The following XRRA1 variants were observed in gnomAD, a reference collection of about 807,000 sequenced individuals.
XRRA1 encodes the protein X-ray radiation resistance associated 1.
XRRA1 carries 69 observed loss-of-function variants against 80.2 expected under a neutral mutation model. The observed-to-expected ratio is 0.86, with a 90% CI of 0.71 to 1.05. XRRA1 has a LOEUF of 1.05. Among genes scored for constraint, XRRA1 ranks in the 50% least tolerant of loss-of-function variants. The pLI, the probability that XRRA1 is intolerant of heterozygous loss-of-function variation, is 0.00. For synonymous variants in XRRA1, 348 were observed against 389.9 expected, an observed-to-expected ratio of 0.89 and a Z score of 1.27; for missense variants, 967 against 976.4, an observed-to-expected ratio of 0.99 and a Z score of 0.13.
In XRRA1 at chr11:74,935,609, C is replaced by T. The variant is rs1335534910; in HGVS notation, c.279+1275G>A. Among the ~76,000 whole-genome samples, 8 of 152,110 alleles carry T rather than the reference C, an allele frequency of 5.3e-5. No homozygotes were observed. The South Asian group carries it at 1.7e-3, about 31-fold the overall frequency. On this transcript the variant is annotated intron_variant, in intron 4 of 18. Transcript: ENST00000684022. The stretch of plus-strand genomic sequence containing the variant: ...GGGAGAGGCAAATGTCAAGGATAAC[C>T]TCAGGTACTGGCTTGGCAACTGGGT...
chr11:74,929,967 G>A (rs1193578640), intron 6 of XRRA1, among the ~76,000 whole-genome samples: 1 of 152,182 alleles, frequency 6.6e-6, no homozygotes, highest in African/African-American at 2.4e-5. Flanking sequence ...AAGGCTTTAT[G>A]CTCCTACAGG....
chr11:74,893,557 A>AAAT, intron 10 of XRRA1, among the ~76,000 whole-genome samples: 1 of 152,082 alleles, frequency 6.6e-6, no homozygotes. Context: ...GTATAATAAA[A>AAAT]AATAAAAATA....
At chr11:74,877,028 T>C (rs569692513) in intron 10 of XRRA1, 3 of 152,334 alleles carry the variant, frequency 2.0e-5, no homozygotes, top group Admixed American at 6.5e-5. Context: ...CTTGTGTAAA[T>C]TGTTATACTT....
chr11:74,905,530 T>C (rs1051544872), intron 10 of XRRA1, among the ~76,000 whole-genome samples: 2 of 152,204 alleles, frequency 1.3e-5, no homozygotes, highest in African/African-American at 4.8e-5. Flanking sequence ...AAAAGGGGCT[T>C]ATCTCTTCCT....
chr11:74,928,283 G>A (rs1033152369), intron 6 of XRRA1, among the ~76,000 whole-genome samples: 3 of 152,154 alleles, frequency 2.0e-5, no homozygotes, highest in Non-Finnish European at 4.4e-5. Context: ...ATCACCCTAG[G>A]TTGGCAAATT....
At chr11:74,849,889 T>A (rs1401451264) in intron 14 of XRRA1, among the ~76,000 whole-genome samples, 4 of 152,204 alleles carry the variant, frequency 2.6e-5, no homozygotes, top group Non-Finnish European at 5.9e-5. Flanking sequence ...GGGGAGGGAC[T>A]GCAGCCTTTG....
At chr11:74,919,959 G>C (rs372689068) in intron 8 of XRRA1, 2 of 195,722 alleles carry the variant, frequency 1.0e-5, no homozygotes, top group East Asian at 3.1e-4. Flanking sequence ...TTGTGGATGA[G>C]AACTAATCAC....
intron 10 of XRRA1, among the ~76,000 whole-genome samples, chr11:74,866,054 G>A (rs1368186086): frequency 6.6e-6 from 1 of 152,066 alleles, no homozygotes; most frequent in Non-Finnish European, 1.5e-5. Context: ...AGACTACAAA[G>A]GCAAAAATAA....
chr11:74,873,002 A>C (rs1195530290), intron 10 of XRRA1, among the ~76,000 whole-genome samples: 5 of 152,156 alleles, frequency 3.3e-5, no homozygotes, highest in African/African-American at 1.2e-4. Flanking sequence ...CTCCTTCATT[A>C]GGCAGAGACA....
intron 14 of XRRA1, chr11:74,850,747 G>C (rs1395289476): frequency 3.1e-5 from 5 of 160,748 alleles, no homozygotes; most frequent in African/African-American, 1.2e-4. Context: ...TCTCACCCAG[G>C]CTGGTCTCAA....
At chr11:74,944,489 T>G (rs984150896) in intron 2 of XRRA1, among the ~76,000 whole-genome samples, 1 of 152,216 alleles carries the variant, frequency 6.6e-6, no homozygotes, top group African/African-American at 2.4e-5. Context: ...TAAATATTTG[T>G]GGAATAAATG....
chr11:74,885,014 A>C (rs2048681823), intron 10 of XRRA1, among the ~76,000 whole-genome samples: 1 of 152,200 alleles, frequency 6.6e-6, no homozygotes, highest in South Asian at 2.1e-4. Context: ...CTGTAATCCC[A>C]GCAATTTGGG....
chr11:74,947,689 G>A (rs1000970010), intron 1 of XRRA1, among the ~76,000 whole-genome samples: 12 of 152,114 alleles, frequency 7.9e-5, no homozygotes, highest in African/African-American at 2.9e-4. Context: ...CTTCACAGAG[G>A]TAATGAAATA....
intron 5 of XRRA1, 171 bp downstream of exon 5, chr11:74,933,630 G>T: frequency 1.7e-6 from 1 of 585,634 alleles, no homozygotes; most frequent in African/African-American, 1.9e-5. Context: ...GTTTGTGTCT[G>T]AATATTGTTT....
intron 10 of XRRA1, among the ~76,000 whole-genome samples, chr11:74,889,826 G>T (rs1374147764): frequency 6.6e-6 from 1 of 152,104 alleles, no homozygotes; most frequent in Non-Finnish European, 1.5e-5. Flanking sequence ...AATGGTAAAG[G>T]GATCAATTCA....
intron 7 of XRRA1, among the ~76,000 whole-genome samples, chr11:74,922,112 C>T (rs1940989166): frequency 6.6e-6 from 1 of 151,866 alleles, no homozygotes; most frequent in Non-Finnish European, 1.5e-5. Context: ...AAAAAATTAG[C>T]CAGGCATGGT....
intron 10 of XRRA1, among the ~76,000 whole-genome samples, chr11:74,885,581 C>T (rs1280121505): frequency 1.3e-5 from 2 of 152,078 alleles, no homozygotes; most frequent in Non-Finnish European, 2.9e-5. Context: ...TAATAAAAAG[C>T]CTGCCAACCA....
chr11:74,899,861 G>C (rs1372265268), intron 10 of XRRA1, among the ~76,000 whole-genome samples: 1 of 152,072 alleles, frequency 6.6e-6, no homozygotes, highest in Non-Finnish European at 1.5e-5. Context: ...AAACTGTTCG[G>C]AAAGATAAAG....
chr11:74,874,519 T>G (rs558017583), intron 10 of XRRA1, among the ~76,000 whole-genome samples: 3 of 152,174 alleles, frequency 2.0e-5, no homozygotes, highest in Non-Finnish European at 4.4e-5. Flanking sequence ...CTATCATGCC[T>G]CTGAGCCATT....
Sources: allele counts gnomAD v4.1 joint callset (sites outside exome capture counted in the v4.1 genomes callset), GRCh38; gene constraint gnomAD v4.1.1; transcripts MANE v1.5; gene names NCBI Gene and HGNC (gene_info 2026-07-23, HGNC 2026-07-21).